The following MYO5B variants were observed in gnomAD, a reference collection of about 807,000 sequenced individuals.
MYO5B encodes the protein myosin VB.
MYO5B carries 143 observed loss-of-function variants against 229.3 expected under a neutral mutation model. The ratio of observed to expected loss-of-function variants is 0.62; its 90% CI spans 0.54 to 0.72. MYO5B has a LOEUF of 0.72. MYO5B is among the 30% of genes least tolerant of loss of function. MYO5B has a pLI of 0.00. For synonymous variants in MYO5B, 918 were observed against 885.2 expected (o/e 1.04, Z -0.66); for missense variants, 2,321 against 2,331.0 (o/e 1.00, Z 0.09).
In MYO5B at chr18:49,876,118, A is replaced by G. The variant is rs16951170; in HGVS notation, c.3397-291T>C. ...CATATATTCCAAGAACAAATGGATA[A>G]AAACACAGGCACTTTCTTTGGAAGT... is the stretch of plus-strand genomic sequence containing the variant. On this transcript the variant is annotated intron_variant, in intron 25 of 39. Transcript: ENST00000285039. The G allele has an allele frequency of 0.035, 14,874 of 427,736 alleles. 721 individuals are homozygous for G. Among genetic ancestry groups the G allele is most frequent in the African/African-American group, 0.14 (6,920 of 49,446 alleles). 26.5% of individuals were successfully genotyped at this position (427,736 alleles called of 1,614,324 possible).
At chr18:50,040,009 C>T (rs1038280196) in intron 3 of MYO5B, 134 bp downstream of exon 3, 1 of 1,022,912 alleles carries the variant, frequency 9.8e-7, no homozygotes, top group Non-Finnish European at 1.5e-6. Context: ...GATTGCAAAC[C>T]TTTCAAGGGT....
intron 1 of MYO5B, among the ~76,000 whole-genome samples, chr18:50,184,106 A>C (rs2033114053): frequency 6.6e-6 from 1 of 152,202 alleles, no homozygotes; most frequent in Admixed American, 6.5e-5. Flanking sequence ...AAATGGACTA[A>C]GACAGTGTAC....
chr18:49,994,750 T>C lies in MYO5B; in HGVS notation c.613-2319A>G, dbSNP rs570851604. 9.8e-5 allele frequency among the ~76,000 whole-genome samples: 15 copies of C among 152,322 alleles called. No homozygotes were observed. In the South Asian group the frequency reaches 3.1e-3, roughly 32 times the overall value. ...AGCAGAGGCCTCAGTGTAACCACTT[T>C]CCTTCCACAAAGAGTCTCAGCCTTT... On this transcript the variant is annotated intron_variant, in intron 5 of 39. Coordinates refer to ENST00000285039, the MANE Select transcript of MYO5B (RefSeq NM_001080467.3).
intron 1 of MYO5B, among the ~76,000 whole-genome samples, chr18:50,146,605 C>A (rs1241922923): frequency 6.6e-6 from 1 of 152,188 alleles, no homozygotes; most frequent in Non-Finnish European, 1.5e-5. Flanking sequence ...AGCACAAAGG[C>A]CTCCAAACAA....
chr18:49,870,755 T>C (rs2024447077), intron 27 of MYO5B, among the ~76,000 whole-genome samples: 1 of 151,780 alleles, frequency 6.6e-6, no homozygotes, highest in Admixed American at 6.6e-5. Flanking sequence ...ATAGCTACTA[T>C]CAAAAAAATA....
chr18:49,914,593 A>G (rs2024991861), intron 17 of MYO5B, among the ~76,000 whole-genome samples: 1 of 151,996 alleles, frequency 6.6e-6, no homozygotes. Context: ...CAGCCTGGCC[A>G]ACATAGTGAA....
chr18:49,864,758 G>A (rs1210835619), intron 27 of MYO5B, among the ~76,000 whole-genome samples: 2 of 152,216 alleles, frequency 1.3e-5, no homozygotes, highest in East Asian at 3.8e-4. Flanking sequence ...CACACGCTTT[G>A]TGACTTTCCA....
intron 1 of MYO5B, among the ~76,000 whole-genome samples, chr18:50,090,073 C>T (rs1439654070): frequency 6.6e-6 from 1 of 152,172 alleles, no homozygotes. Flanking sequence ...TTTGGAGCCC[C>T]ACTCCCTTTG....
intron 18 of MYO5B, among the ~76,000 whole-genome samples, chr18:49,911,127 C>T (rs981008367): frequency 7.9e-5 from 12 of 152,212 alleles, no homozygotes; most frequent in African/African-American, 2.7e-4. Flanking sequence ...GCAGCAGCTA[C>T]CTTCCCCTCT....
At chr18:50,113,905 A>G (rs1034755747) in intron 1 of MYO5B, among the ~76,000 whole-genome samples, 2 of 152,220 alleles carry the variant, frequency 1.3e-5, no homozygotes, top group Admixed American at 1.3e-4. Flanking sequence ...TGAAAAAGAG[A>G]ACACACAATT....
chr18:50,064,724 A>G (rs1361508313), intron 1 of MYO5B, among the ~76,000 whole-genome samples: 1 of 152,244 alleles, frequency 6.6e-6, no homozygotes, highest in African/African-American at 2.4e-5. Flanking sequence ...TTAACAGTTT[A>G]TGATCACCAT....
At chr18:49,948,417 G>C (rs2025398213) in intron 14 of MYO5B, among the ~76,000 whole-genome samples, 1 of 151,818 alleles carries the variant, frequency 6.6e-6, no homozygotes, top group South Asian at 2.1e-4. Flanking sequence ...TTTTTTGGAA[G>C]ACAACATGGA....
At chr18:50,014,244 A>T (rs973302492) in intron 4 of MYO5B, among the ~76,000 whole-genome samples, 4 of 147,772 alleles carry the variant, frequency 2.7e-5, no homozygotes, top group African/African-American at 7.6e-5. Flanking sequence ...ACATAAAAAA[A>T]GTCCCAAAAT....
At chr18:50,066,774 G>C (rs1598994315) in intron 1 of MYO5B, among the ~76,000 whole-genome samples, 1 of 152,104 alleles carries the variant, frequency 6.6e-6, no homozygotes, top group Non-Finnish European at 1.5e-5. Flanking sequence ...TTTCCATCCT[G>C]CTTCTGAGAT....
At chr18:49,832,083 G>A (rs1192968166) in intron 39 of MYO5B, among the ~76,000 whole-genome samples, 1 of 152,142 alleles carries the variant, frequency 6.6e-6, no homozygotes, top group East Asian at 1.9e-4. Context: ...TGCCCAAATG[G>A]GTAGTGTTTC....
intron 1 of MYO5B, among the ~76,000 whole-genome samples, chr18:50,194,068 C>G (rs952974734): frequency 1.3e-5 from 2 of 152,216 alleles, no homozygotes; most frequent in Admixed American, 1.3e-4. Context: ...CTGAAGCCCT[C>G]TTTGTACCAA....
At chr18:49,839,333 C>T (rs1478639211) in intron 35 of MYO5B, 39 bp from the exon 36 acceptor site, 13 of 1,607,808 alleles carry the variant, frequency 8.1e-6, no homozygotes, top group Admixed American at 1.7e-5. Context: ...GTTCTCTGGT[C>T]TGCTGGGCCC....
rs764854789 is a variant in MYO5B at position 49,877,847 on chromosome 18, T to G, written c.3312A>C (p.Gln1104His). 2.7e-5 allele frequency: 43 copies of G among 1,613,952 alleles called. No individual in the cohort carries two copies. The highest frequency in any genetic ancestry group is 1.6e-4 in the Middle Eastern group (1 of 6,080). ...TPGHRRNPSNQSSLESDSNYP... is the reference protein window; with the variant it reads ...TPGHRRNPSNHSSLESDSNYP... ...AATTGGAGTCAGATTCTAAGCTACTTTGGTTTGATGGGTTCCGCCTATGAC... is the reference window on the plus strand; with the variant it reads ...AATTGGAGTCAGATTCTAAGCTACTGTGGTTTGATGGGTTCCGCCTATGAC... Residue 1104 changes from glutamine to histidine, a missense_variant, in exon 25 of 40, where the codon CAA becomes CAC. Coordinates refer to ENST00000285039, the MANE Select transcript of MYO5B (RefSeq NM_001080467.3).
At chr18:50,051,804 C>T (rs1349395258) in intron 2 of MYO5B, among the ~76,000 whole-genome samples, 1 of 152,212 alleles carries the variant, frequency 6.6e-6, no homozygotes, top group Non-Finnish European at 1.5e-5. Flanking sequence ...GATTCCACTT[C>T]TGTGAGGTAC....
Sources: allele counts gnomAD v4.1 joint callset (sites outside exome capture counted in the v4.1 genomes callset), GRCh38; gene constraint gnomAD v4.1.1; transcripts MANE v1.5; gene names NCBI Gene and HGNC (gene_info 2026-07-23, HGNC 2026-07-21).